AGO1: variants seen among roughly 807,000 people sequenced by gnomAD.
AGO1 encodes argonaute RISC component 1.
AGO1 carries 11 observed loss-of-function variants against 109.2 expected under a neutral mutation model. The ratio of observed to expected loss-of-function variants is 0.10; its 90% CI spans 0.06 to 0.17. The LOEUF is 0.17. AGO1 is among the 10% of genes least tolerant of loss of function. The pLI is 1.00. For missense variants in AGO1, 574 were observed against 1,140.3 expected, an observed-to-expected ratio of 0.50 and a Z score of 7.15; for synonymous variants, 422 against 418.6, an observed-to-expected ratio of 1.01 and a Z score of -0.10.
chr1:35,894,334 C>T lies in AGO1; in HGVS notation c.804C>T (p.Thr268=). Residue 268 remains threonine, a synonymous_variant, in exon 7 of 19, where the codon ACC becomes ACT. Coordinates refer to ENST00000373204, the MANE Select transcript of AGO1 (RefSeq NM_012199.5). ...TCTCAGGCCTGAAGGTGGAAGTCAC[C>T]CACTGTGGACAGATGAAGAGGAAGT... The part of the protein sequence containing the change: ...KEIKGLKVEV[T]HCGQMKRKYR... The T allele has an allele frequency of 2.5e-6, 4 of 1,614,178 alleles. No individual in the cohort carries two copies. Among genetic ancestry groups the T allele is most frequent in the Non-Finnish European group, 3.4e-6 (4 of 1,180,040 alleles).
Position 35,888,675 on chromosome 1 carries a change from G to A in AGO1, c.209+65G>A. 3 of 1,569,172 alleles carry A rather than the reference G, an allele frequency of 1.9e-6. No homozygotes were observed. Among genetic ancestry groups the A allele is most frequent in the Admixed American group, 3.6e-5 (2 of 54,854 alleles). On this transcript the variant is annotated intron_variant, in intron 2 of 18. Transcript: ENST00000373204. This position sits in a 1 kb window ranked among gnomAD's most constrained non-coding sequence, Gnocchi z 4.1. ...CCAACCTTGAAAGAGGGGCCAGAAA[G>A]GTAAAAGAAAAACCAGTAGAGGGTA... is the stretch of plus-strand genomic sequence containing the variant.
chr1:35,880,568 A>C (rs892057417), upstream of AGO1, among the ~76,000 whole-genome samples: 2 of 152,246 alleles, frequency 1.3e-5, no homozygotes, highest in East Asian at 1.9e-4. Flanking sequence ...TCAAAAAAAG[A>C]ATATAGTGTG....
chr1:35,914,046 G>A (rs1645689657), intron 13 of AGO1, 45 bp downstream of exon 13: 1 of 1,611,256 alleles, frequency 6.2e-7, no homozygotes, highest in Non-Finnish European at 8.5e-7. Context: ...GTACCATGCT[G>A]GGAATTGATG....
chr1:35,913,769 C>G, intron 12 of AGO1, 73 bp from the exon 13 acceptor site: 1 of 1,503,596 alleles, frequency 6.7e-7, no homozygotes, highest in Non-Finnish European at 9.1e-7. Context: ...GCACCTCATA[C>G]ACTGCCTGGC....
At position 35,913,908 on chromosome 1, in the gene AGO1, T is replaced by C. The variant is rs1645687220; in HGVS notation, c.1649T>C (p.Val550Ala). 2 of 1,614,092 alleles carry C rather than the reference T, an allele frequency of 1.2e-6. No individual in the cohort carries two copies. Among genetic ancestry groups the C allele is most frequent in the Non-Finnish European group, 1.7e-6 (2 of 1,180,024 alleles). Residue 550 changes from valine (V) to alanine (A), a missense_variant, in exon 13 of 19, where the codon GTG becomes GCG. This residue lies in a region of AGO1 where 68 missense variants were observed against 200.2 expected (regional missense o/e 0.34). Coordinates refer to ENST00000373204, the MANE Select transcript of AGO1 (RefSeq NM_012199.5). ...ACGCAGTGTGTGCAGGTGAAGAACG[T>C]GGTCAAGACCTCACCTCAGACTCTG... ...MATQCVQVKNVVKTSPQTLSN... is the reference protein window; with the variant it reads ...MATQCVQVKNAVKTSPQTLSN...
chr1:35,893,965 A>G lies in AGO1; in HGVS notation c.650-72A>G, dbSNP rs1320462186. 1.6e-5 allele frequency: 25 copies of G among 1,521,424 alleles called. No homozygotes were observed. The highest frequency in any genetic ancestry group is 3.9e-5 in the South Asian group (3 of 77,336). 94.2% of individuals were successfully genotyped at this position (1,521,424 alleles called of 1,614,324 possible). A position where few individuals can be genotyped will look rare whatever the true frequency, so the allele number is the denominator to read the frequency against. On this transcript the variant is annotated intron_variant, in intron 5 of 18. Transcript: ENST00000373204. The surrounding 1 kb of genome is among the most constrained non-coding windows in gnomAD (Gnocchi z 5.6). ...CCCAATGCCCTTTAAGGAAGAGGGT[A>G]TAAATTGCTGTGCCTCCATGTATTG...
upstream of AGO1, among the ~76,000 whole-genome samples, chr1:35,878,382 G>A (rs1013250775): frequency 6.6e-6 from 1 of 152,050 alleles, no homozygotes; most frequent in Non-Finnish European, 1.5e-5. Context: ...ACCACGCCCG[G>A]CTCCTTTTTA....
chr1:35,893,674 G>A lies in AGO1; in HGVS notation c.513G>A (p.Arg171=). The change falls in exon 5 of 19, where the codon AGG becomes AGA. Residue 171 remains arginine, a splice_region_variant and synonymous_variant. Coordinates refer to ENST00000373204, the MANE Select transcript of AGO1 (RefSeq NM_012199.5). The surrounding 1 kb of genome is among the most constrained non-coding windows in gnomAD (Gnocchi z 5.6). ...CCAGTTCTCTGCCTGTCCCTGCCAG[G>A]TACACCCCTGTGGGCCGCTCCTTCT... The part of the protein sequence containing the change: ...DVAMRHLASM[R]YTPVGRSFFS... 6.2e-7 allele frequency: 1 copy of A among 1,610,918 alleles called. No individual in the cohort carries two copies. The highest frequency in any genetic ancestry group is 8.5e-7 in the Non-Finnish European group (1 of 1,178,352).
At position 35,888,681 on chromosome 1, in the gene AGO1, A is replaced by G. The variant is rs190042347; in HGVS notation, c.209+71A>G. Reference sequence around the variant, plus strand: ...TTGAAAGAGGGGCCAGAAAGGTAAAAGAAAAACCAGTAGAGGGTAGTATCA... The same window carrying G: ...TTGAAAGAGGGGCCAGAAAGGTAAAGGAAAAACCAGTAGAGGGTAGTATCA... On this transcript the variant is annotated intron_variant, in intron 2 of 18. Transcript: ENST00000373204. The surrounding 1 kb of genome is among the most constrained non-coding windows in gnomAD (Gnocchi z 4.1). 1.3e-4 allele frequency: 198 copies of G among 1,556,482 alleles called. 1 individual carries two copies. The African/African-American group carries it at 2.5e-3, about 20-fold the overall frequency.
intron 1 of AGO1, chr1:35,873,829 G>C (rs533944690): frequency 1.3e-5 from 2 of 152,190 alleles, no homozygotes; most frequent in East Asian, 1.9e-4. Flanking sequence ...CATACTTCTT[G>C]ACCACTTATA....
chr1:35,882,968 CAG>C (rs961413018), upstream of AGO1: 9 of 953,840 alleles, frequency 9.4e-6, no homozygotes, highest in African/African-American at 1.6e-4. This position sits in a 1 kb window ranked among gnomAD's most constrained non-coding sequence, Gnocchi z 5.1. Context: ...GGAAAAGACA[CAG>C]GGCTGAAGGC....
intron 1 of AGO1, among the ~76,000 whole-genome samples, chr1:35,884,847 G>A (rs1048828596): frequency 5.3e-5 from 8 of 152,322 alleles, no homozygotes; most frequent in Admixed American, 2.6e-4. Flanking sequence ...GTGATGGGAC[G>A]AGGAGCCTGG....
chr1:35,877,531 C>T (rs1039886880), intron 1 of AGO1, among the ~76,000 whole-genome samples: 1 of 152,140 alleles, frequency 6.6e-6, no homozygotes, highest in Non-Finnish European at 1.5e-5. Flanking sequence ...CCATGTGCCT[C>T]TGTCATTACA....
chr1:35,884,868 C>T (rs2148706916), intron 1 of AGO1, among the ~76,000 whole-genome samples: 1 of 152,260 alleles, frequency 6.6e-6, no homozygotes, highest in East Asian at 1.9e-4. Flanking sequence ...ACCTGGGAAT[C>T]CTTCAGGTCA....
intron 8 of AGO1, 38 bp downstream of exon 8, chr1:35,895,307 T>C (rs779683277): frequency 1.3e-6 from 2 of 1,579,238 alleles, no homozygotes; most frequent in East Asian, 4.6e-5. Flanking sequence ...ATAGGCATTG[T>C]ATATACCTGC....
At chr1:35,886,449 AGG>A (rs895308737) in intron 1 of AGO1, among the ~76,000 whole-genome samples, 5 of 152,058 alleles carry the variant, frequency 3.3e-5, no homozygotes, top group Non-Finnish European at 5.9e-5. Flanking sequence ...TTGGAGAGGA[AGG>A]TGCTCTAAGG....
At chr1:35,904,719 GGGCTAAA>G (rs1369285313) in intron 11 of AGO1, among the ~76,000 whole-genome samples, 6 of 152,170 alleles carry the variant, frequency 3.9e-5, no homozygotes, top group African/African-American at 1.4e-4. Flanking sequence ...GGTTCTGACT[GGGCTAAA>G]GGTAAATATT....
intron 1 of AGO1, among the ~76,000 whole-genome samples, chr1:35,874,466 C>T (rs1006366639): frequency 3.9e-5 from 6 of 152,190 alleles, no homozygotes; most frequent in Admixed American, 6.5e-5. Context: ...CATGAGCCAA[C>T]GTGCCCAACC....
intron 12 of AGO1, among the ~76,000 whole-genome samples, chr1:35,907,397 G>A (rs1038496547): frequency 6.6e-6 from 1 of 152,042 alleles, no homozygotes; most frequent in East Asian, 1.9e-4. Context: ...AGACGGGTTG[G>A]TCTAGATTCC....
Sources: allele counts gnomAD v4.1 joint callset (sites outside exome capture counted in the v4.1 genomes callset), GRCh38; gene constraint gnomAD v4.1.1; regional missense constraint gnomAD v4.1.1; non-coding constraint Gnocchi (gnomAD v3.1); transcripts MANE v1.5; gene names NCBI Gene and HGNC (gene_info 2026-07-23, HGNC 2026-07-21).